IFT81: variants seen among roughly 807,000 people sequenced by gnomAD.
IFT81 encodes the protein intraflagellar transport protein 81 homolog.
IFT81 carries 72 observed loss-of-function variants against 102.6 expected under a neutral mutation model. The ratio of observed to expected loss-of-function variants is 0.70; its 90% confidence interval spans 0.58 to 0.85. IFT81 has a LOEUF of 0.85. Among genes scored for constraint, IFT81 ranks in the 40% least tolerant of loss-of-function variants. IFT81 has a pLI of 0.00. For synonymous variants in IFT81, 237 were observed against 242.7 expected, an observed-to-expected ratio of 0.98 and a Z score of 0.22; for missense variants, 723 against 787.3, an observed-to-expected ratio of 0.92 and a Z score of 0.98.
rs137924635 is a variant in IFT81 at position 110,176,683 on chromosome 12, C to G, written c.1189-3739C>G. Among the ~76,000 whole-genome samples, 1,047 of 152,208 alleles carry G rather than the reference C, an allele frequency of 6.9e-3. 1 individual carries two copies. The highest frequency in any genetic ancestry group is 9.5e-3 in the Non-Finnish European group (643 of 68,016). On this transcript the variant is annotated intron_variant, in intron 11 of 18. Coordinates refer to ENST00000242591, the MANE Select transcript of IFT81 (RefSeq NM_014055.4). ...TCTAATTAATTCTGGAATAGTAGAG[C>G]CCTTAGAATGCTTTGATGGCCACCT...
intron 10 of IFT81, among the ~76,000 whole-genome samples, chr12:110,151,638 T>G (rs1207677796): frequency 6.6e-6 from 1 of 152,238 alleles, no homozygotes; most frequent in Non-Finnish European, 1.5e-5. Flanking sequence ...AATAAACATA[T>G]GCATTACCTC....
rs1894244957 is a variant in IFT81, at chr12:110,132,728, T to C, written c.519+92T>C. The C allele has an allele frequency of 9.7e-6, 6 of 620,778 alleles. 1 individual carries two copies. In the South Asian group the frequency reaches 1.1e-4, roughly 11 times the overall value. The allele number at this position is 620,778 out of a possible 1,614,324, so 38.5% of individuals were successfully genotyped here. A position where few individuals can be genotyped will look rare whatever the true frequency, so the allele number is the denominator to read the frequency against. Reference sequence around the variant, plus strand: ...TAATTCAGTATGAGTCTTAAGACTATATGGAGACTAGTGATAGCAAATGGC... The same window carrying C: ...TAATTCAGTATGAGTCTTAAGACTACATGGAGACTAGTGATAGCAAATGGC... On this transcript the variant is annotated intron_variant, in intron 5 of 18. Coordinates refer to ENST00000242591, the MANE Select transcript of IFT81 (RefSeq NM_014055.4).
At chr12:110,154,513 C>G (rs550800878) in intron 10 of IFT81, among the ~76,000 whole-genome samples, 1 of 150,886 alleles carries the variant, frequency 6.6e-6, no homozygotes, top group Non-Finnish European at 1.5e-5. Context: ...TGTCTGTAAT[C>G]CCAGCTACTC....
intron 11 of IFT81, among the ~76,000 whole-genome samples, chr12:110,164,822 A>G (rs1391248918): frequency 1.3e-5 from 2 of 152,224 alleles, no homozygotes; most frequent in Non-Finnish European, 2.9e-5. Context: ...TTTGCTGTCT[A>G]GAGAAAAAAA....
At chr12:110,125,526 C>T (rs930681689) in intron 1 of IFT81, among the ~76,000 whole-genome samples, 1 of 152,172 alleles carries the variant, frequency 6.6e-6, no homozygotes, top group Non-Finnish European at 1.5e-5. Context: ...TCCCAAGTAG[C>T]TGGGACTACC....
At chr12:110,148,604 A>G (rs1389219798) in intron 10 of IFT81, among the ~76,000 whole-genome samples, 3 of 151,752 alleles carry the variant, frequency 2.0e-5, no homozygotes, top group African/African-American at 7.3e-5. Context: ...CCTCCTGAGT[A>G]GCTGGGATTA....
intron 14 of IFT81, among the ~76,000 whole-genome samples, chr12:110,202,022 A>G (rs1898307031): frequency 2.0e-5 from 3 of 152,230 alleles, no homozygotes; most frequent in Admixed American, 1.3e-4. Flanking sequence ...AGCATAGTAA[A>G]TACATAAACC....
At chr12:110,154,619 T>C (rs1431587594) in intron 10 of IFT81, among the ~76,000 whole-genome samples, 4 of 141,990 alleles carry the variant, frequency 2.8e-5, no homozygotes, top group Middle Eastern at 3.7e-3. Flanking sequence ...AGAGCAAGAC[T>C]CTGTCTCACA....
At chr12:110,162,805 C>A in intron 10 of IFT81, 114 bp from the exon 11 acceptor site, 1 of 865,632 alleles carries the variant, frequency 1.2e-6, no homozygotes, top group Non-Finnish European at 1.7e-6. Context: ...TTAAGAGAGG[C>A]CAAGCTGATA....
At chr12:110,177,601 A>G (rs909883536) in intron 11 of IFT81, among the ~76,000 whole-genome samples, 1 of 152,182 alleles carries the variant, frequency 6.6e-6, no homozygotes, top group Admixed American at 6.5e-5. Flanking sequence ...TCAAAGTTTA[A>G]GTCAAATTTT....
rs940689860 is a variant in IFT81 at position 110,124,872 on chromosome 12, G to A, written c.-22+11G>A. ...GCGACTCGTTTGTGGGTGAGTGCTTGGGAATTAGCGCGGCGACTTCGCGCT... is the reference window on the plus strand; with the variant it reads ...GCGACTCGTTTGTGGGTGAGTGCTTAGGAATTAGCGCGGCGACTTCGCGCT... On this transcript the variant is annotated intron_variant, in intron 1 of 18. Transcript: ENST00000242591. 6.6e-6 allele frequency: 1 copy of A among 152,262 alleles called. No individual in the cohort carries two copies. Among genetic ancestry groups the A allele is most frequent in the African/African-American group, 2.4e-5 (1 of 41,460 alleles). 9.4% of individuals were successfully genotyped at this position (152,262 alleles called of 1,614,324 possible).
Position 110,128,096 on chromosome 12 carries a change from G to A in IFT81, c.195G>A (p.Met65Ile). 1 of 1,613,832 alleles carries A rather than the reference G, an allele frequency of 6.2e-7. No individual in the cohort carries two copies. Among genetic ancestry groups the A allele is most frequent in the South Asian group, 1.1e-5 (1 of 91,078 alleles). ...EEMPEQTAKR[M>I]LSLLGILKYK... Reference sequence around the variant, plus strand: ...TGCCAGAGCAGACAGCCAAACGAATGTTGAGCCTTCTTGGTATTCTTAAGT... The same window carrying A: ...TGCCAGAGCAGACAGCCAAACGAATATTGAGCCTTCTTGGTATTCTTAAGT... Residue 65 changes from methionine (M) to isoleucine (I), a missense_variant, in exon 3 of 19, where the codon ATG (methionine) becomes ATA (isoleucine). Coordinates refer to ENST00000242591, the MANE Select transcript of IFT81 (RefSeq NM_014055.4).
intron 12 of IFT81, among the ~76,000 whole-genome samples, chr12:110,186,802 A>G (rs1436216386): frequency 6.6e-6 from 1 of 152,218 alleles, no homozygotes; most frequent in African/African-American, 2.4e-5. Flanking sequence ...GGCTGGGCTT[A>G]CAGGCATGAG....
intron 14 of IFT81, among the ~76,000 whole-genome samples, chr12:110,197,476 C>T (rs1465818945): frequency 1.4e-5 from 2 of 141,430 alleles, no homozygotes; most frequent in African/African-American, 5.2e-5. Flanking sequence ...TTGTACCAAT[C>T]CTGTTTTCTT....
intron 10 of IFT81, among the ~76,000 whole-genome samples, chr12:110,157,286 T>C (rs994841041): frequency 3.9e-5 from 6 of 151,902 alleles, no homozygotes; most frequent in Middle Eastern, 3.4e-3. Flanking sequence ...GAGGCGGAGG[T>C]TGCCGTGAGC....
chr12:110,218,186 A>G lies in IFT81; in HGVS notation c.1991A>G (p.Gln664Arg), dbSNP rs755824529. ...LKQQSQTSIG[Q>R]VIQEGGEDRL... ...CAACAAAGCCAAACTTCCATTGGTCAGGTAATTCAGGAGGGTGGGGAGGAC... is the reference window on the plus strand; with the variant it reads ...CAACAAAGCCAAACTTCCATTGGTCGGGTAATTCAGGAGGGTGGGGAGGAC... The change falls in exon 19 of 19, where the codon CAG (glutamine) becomes CGG (arginine). Residue 664 changes from glutamine to arginine, a missense_variant. Gln to Arg is a conservative substitution (Grantham distance 43). Transcript: ENST00000242591. 1.9e-5 allele frequency: 30 copies of G among 1,579,260 alleles called. No individual in the cohort carries two copies. The African/African-American group carries it at 4.0e-4, about 21-fold the overall frequency.
chr12:110,158,664 A>ACTG (rs1446989214), intron 10 of IFT81, among the ~76,000 whole-genome samples: 1 of 151,490 alleles, frequency 6.6e-6, no homozygotes, highest in Non-Finnish European at 1.5e-5. Flanking sequence ...ATCTCGGCTC[A>ACTG]CTGCAAGCTC....
chr12:110,148,614 A>G (rs962158134), intron 10 of IFT81, among the ~76,000 whole-genome samples: 1 of 151,968 alleles, frequency 6.6e-6, no homozygotes, highest in Non-Finnish European at 1.5e-5. Flanking sequence ...AGCTGGGATT[A>G]CAGGTGCCCA....
chr12:110,194,044 G>A (rs1037209226), intron 14 of IFT81, among the ~76,000 whole-genome samples: 1 of 152,036 alleles, frequency 6.6e-6, no homozygotes, highest in South Asian at 2.1e-4. Flanking sequence ...GCAGCAAGGG[G>A]GTGGGAGGAG....
Sources: allele counts gnomAD v4.1 joint callset (sites outside exome capture counted in the v4.1 genomes callset), GRCh38; gene constraint gnomAD v4.1.1; transcripts MANE v1.5; gene names NCBI Gene and HGNC (gene_info 2026-07-23, HGNC 2026-07-21).